The following DSCAM variants were observed in gnomAD, a reference collection of about 807,000 sequenced individuals.
The protein encoded by DSCAM is DS cell adhesion molecule.
In DSCAM, 47 loss-of-function variants were observed where a neutral mutation model predicts 217.7. The observed-to-expected ratio is 0.22, with a 90% CI of 0.17 to 0.28. DSCAM has a LOEUF of 0.28. Ranked by LOEUF, DSCAM falls within the 10% of genes least tolerant of loss-of-function variation. The pLI, the probability that DSCAM is intolerant of heterozygous loss-of-function variation, is 1.00. For missense variants in DSCAM, 2,080 were observed against 2,618.3 expected (o/e 0.79, Z 4.49); for synonymous variants, 1,056 against 1,015.3 (o/e 1.04, Z -0.76).
At chr21:40,280,358 T>C (rs896342557) in intron 10 of DSCAM, among the ~76,000 whole-genome samples, 3 of 151,918 alleles carry the variant, frequency 2.0e-5, no homozygotes, top group Non-Finnish European at 4.4e-5. Flanking sequence ...CGCTAGGCCT[T>C]TAAAAATTTT....
chr21:40,159,775 G>T (rs1489545366), intron 16 of DSCAM, among the ~76,000 whole-genome samples: 3 of 152,116 alleles, frequency 2.0e-5, no homozygotes, highest in Non-Finnish European at 4.4e-5. Context: ...TAGAGATAGG[G>T]TTTCACCATG....
intron 19 of DSCAM, 44 bp from the exon 20 acceptor site, chr21:40,124,372 G>A (rs1271237530): frequency 6.2e-7 from 1 of 1,609,350 alleles, no homozygotes; most frequent in Admixed American, 1.7e-5. Context: ...GCCTCAACTT[G>A]GGCTTGCGGA....
chr21:40,829,614 G>A (rs1338290241), intron 1 of DSCAM, among the ~76,000 whole-genome samples: 1 of 152,196 alleles, frequency 6.6e-6, no homozygotes, highest in Admixed American at 6.6e-5. Flanking sequence ...GTTGGCGTTG[G>A]AGTCAGCTGT....
chr21:40,534,859 C>T (rs1170995670), intron 3 of DSCAM, among the ~76,000 whole-genome samples: 2 of 152,090 alleles, frequency 1.3e-5, no homozygotes, highest in Non-Finnish European at 2.9e-5. Flanking sequence ...GACATCAAAT[C>T]ATGGGCGGTT....
At chr21:40,146,129 C>T (rs2090354212) in intron 16 of DSCAM, among the ~76,000 whole-genome samples, 1 of 152,080 alleles carries the variant, frequency 6.6e-6, no homozygotes, top group Non-Finnish European at 1.5e-5. Flanking sequence ...AGGAAATAAG[C>T]ACTTAAGAAC....
chr21:40,129,571 G>A (rs1346263190), intron 19 of DSCAM, among the ~76,000 whole-genome samples: 1 of 152,166 alleles, frequency 6.6e-6, no homozygotes, highest in Non-Finnish European at 1.5e-5. Context: ...GGGATCCACT[G>A]CAGTGGAGGG....
At chr21:40,393,061 C>T (rs1385450282) in intron 3 of DSCAM, among the ~76,000 whole-genome samples, 1 of 152,186 alleles carries the variant, frequency 6.6e-6, no homozygotes, top group East Asian at 1.9e-4. Context: ...TTAATGCACG[C>T]AGCTCCAAAG....
chr21:40,382,120 G>A (rs1228886346), intron 3 of DSCAM, among the ~76,000 whole-genome samples: 4 of 152,066 alleles, frequency 2.6e-5, no homozygotes, highest in East Asian at 1.9e-4. Flanking sequence ...AAGGCTAATC[G>A]TCTTTTAGCA....
chr21:40,273,065 G>A (rs558053203), intron 11 of DSCAM, among the ~76,000 whole-genome samples: 10 of 152,104 alleles, frequency 6.6e-5, no homozygotes, highest in African/African-American at 2.2e-4. Context: ...CCTAGCCTCT[G>A]GCCTTTTAAT....
chr21:40,498,406 C>G (rs1414623423), intron 3 of DSCAM, among the ~76,000 whole-genome samples: 1 of 151,606 alleles, frequency 6.6e-6, no homozygotes, highest in Admixed American at 6.6e-5. Context: ...AGTGGCTGGC[C>G]CATGGGCTTC....
At chr21:40,233,153 T>G (rs959033528) in intron 11 of DSCAM, among the ~76,000 whole-genome samples, 3 of 152,086 alleles carry the variant, frequency 2.0e-5, no homozygotes, top group African/African-American at 7.2e-5. Context: ...ATAACAAACC[T>G]GCACATGTAC....
At chr21:40,300,965 C>T (rs1027603080) in intron 9 of DSCAM, among the ~76,000 whole-genome samples, 3 of 152,216 alleles carry the variant, frequency 2.0e-5, no homozygotes, top group Non-Finnish European at 4.4e-5. Flanking sequence ...TTGCCCATAG[C>T]AGCAACCAGC....
chr21:40,521,421 A>T (rs2076357934), intron 3 of DSCAM, among the ~76,000 whole-genome samples: 1 of 152,174 alleles, frequency 6.6e-6, no homozygotes, highest in Non-Finnish European at 1.5e-5. Context: ...AACCCTTGTT[A>T]TCTTATTATG....
chr21:40,576,911 G>A (rs1215430425), intron 3 of DSCAM, among the ~76,000 whole-genome samples: 2 of 151,512 alleles, frequency 1.3e-5, no homozygotes, highest in Non-Finnish European at 2.9e-5. Flanking sequence ...AGGCGAGTTA[G>A]AGAAAACGCC....
chr21:40,408,571 C>T lies in DSCAM; in HGVS notation c.509-39326G>A, dbSNP rs142689351. The stretch of plus-strand genomic sequence containing the variant: ...CTTTTATTTCTGACACAGCAACAGA[C>T]ATTCATCAGTCGTAAGTTGGCATTG... On this transcript the variant is annotated intron_variant, in intron 3 of 32. Transcript: ENST00000400454. Among the ~76,000 whole-genome samples, 60 of 152,246 alleles carry T rather than the reference C, an allele frequency of 3.9e-4. 1 individual carries two copies. The highest frequency in any genetic ancestry group is 1.4e-3 in the African/African-American group (58 of 41,560).
intron 3 of DSCAM, among the ~76,000 whole-genome samples, chr21:40,498,537 G>T (rs1178817478): frequency 6.7e-6 from 1 of 149,860 alleles, no homozygotes; most frequent in Non-Finnish European, 1.5e-5. Context: ...CATTGTTCAG[G>T]ATTTATAAGC....
At chr21:40,827,978 A>G (rs2091983506) in intron 1 of DSCAM, among the ~76,000 whole-genome samples, 1 of 152,196 alleles carries the variant, frequency 6.6e-6, no homozygotes, top group Admixed American at 6.5e-5. Context: ...GAGGAATTGG[A>G]TGGAAGAAGG....
intron 20 of DSCAM, among the ~76,000 whole-genome samples, chr21:40,103,746 G>A (rs1285019798): frequency 6.7e-6 from 1 of 150,014 alleles, no homozygotes; most frequent in East Asian, 2.0e-4. Flanking sequence ...ATAGACTATT[G>A]GCTACTTTTA....
intron 3 of DSCAM, among the ~76,000 whole-genome samples, chr21:40,550,254 G>A (rs2076618841): frequency 1.3e-5 from 2 of 152,232 alleles, no homozygotes; most frequent in African/African-American, 2.4e-5. Flanking sequence ...GTCGGGCGCA[G>A]TGGCTCATGC....
Sources: gnomAD v4.1 joint callset for allele counts (sites outside exome capture counted in the v4.1 genomes callset) on GRCh38, gnomAD v4.1.1 for gene constraint, MANE v1.5 for transcripts, NCBI Gene and HGNC (gene_info 2026-07-23, HGNC 2026-07-21) for gene names.